Variants in LRMDA observed in about 807,000 individuals in gnomAD.
The protein encoded by LRMDA is leucine rich melanocyte differentiation associated.
LRMDA carries 18 observed loss-of-function variants against 29.8 expected under a neutral mutation model. The observed-to-expected ratio is 0.60, with a 90% CI of 0.42 to 0.90. The LOEUF (loss-of-function observed/expected upper bound fraction) is 0.90. LRMDA is among the 40% of genes least tolerant of loss of function. The probability of loss-of-function intolerance (pLI) is 0.00; values close to 1 mark genes in which losing one functional copy is unlikely to be tolerated. For synonymous variants in LRMDA, 125 were observed against 109.4 expected, an observed-to-expected ratio of 1.14 and a Z score of -0.89; for missense variants, 273 against 273.9, an observed-to-expected ratio of 1.00 and a Z score of 0.02.
At chr10:75,980,547 T>G (rs1847149861) in intron 2 of LRMDA, among the ~76,000 whole-genome samples, 1 of 152,192 alleles carries the variant, frequency 6.6e-6, no homozygotes, top group Non-Finnish European at 1.5e-5. Flanking sequence ...GTCATGCAGG[T>G]CAGCTTGCTG....
At chr10:76,324,317 C>T in intron 5 of LRMDA, 84 bp from the exon 6 acceptor site, 1 of 1,179,290 alleles carries the variant, frequency 8.5e-7, no homozygotes, top group Non-Finnish European at 1.3e-6. Flanking sequence ...AGCTCAGATC[C>T]CAAGGAGACA....
At chr10:75,853,465 T>TGG (rs1491274210) in intron 2 of LRMDA, among the ~76,000 whole-genome samples, 1 of 147,216 alleles carries the variant, frequency 6.8e-6, no homozygotes, top group East Asian at 2.0e-4. Flanking sequence ...TGTGTGTGTG[T>TGG]GGTCACATGC....
chr10:75,654,577 A>G (rs142856422), intron 2 of LRMDA, among the ~76,000 whole-genome samples: 365 of 152,194 alleles, frequency 2.4e-3, no homozygotes, highest in African/African-American at 8.1e-3. Context: ...CCTTCTCTTT[A>G]TTCTAGAAAT....
chr10:76,449,534 C>T (rs930232012), intron 6 of LRMDA, among the ~76,000 whole-genome samples: 2 of 151,818 alleles, frequency 1.3e-5, no homozygotes, highest in African/African-American at 2.4e-5. Flanking sequence ...GCTGTATGTA[C>T]TTGATTTTGT....
chr10:76,071,507 C>T (rs1166310963), intron 5 of LRMDA, among the ~76,000 whole-genome samples: 1 of 152,210 alleles, frequency 6.6e-6, no homozygotes, highest in Non-Finnish European at 1.5e-5. Context: ...TACCAACTTG[C>T]AGCCTCTACA....
chr10:76,100,502 G>C (rs1263919935), intron 5 of LRMDA, among the ~76,000 whole-genome samples: 2 of 151,938 alleles, frequency 1.3e-5, no homozygotes, highest in African/African-American at 4.8e-5. Flanking sequence ...GGAGATTCCA[G>C]GGACCCTCTC....
chr10:75,682,687 T>C (rs959381550), intron 2 of LRMDA, among the ~76,000 whole-genome samples: 3 of 152,198 alleles, frequency 2.0e-5, no homozygotes, highest in African/African-American at 7.2e-5. Context: ...TTGAACCTTA[T>C]GTGTCCAGTT....
At chr10:76,070,786 C>G (rs1271279649) in intron 5 of LRMDA, among the ~76,000 whole-genome samples, 1 of 152,128 alleles carries the variant, frequency 6.6e-6, no homozygotes, top group Non-Finnish European at 1.5e-5. Flanking sequence ...GAAAGAAGGC[C>G]TCACATTCAT....
intron 2 of LRMDA, among the ~76,000 whole-genome samples, chr10:75,705,234 G>A (rs182998382): frequency 4.6e-5 from 7 of 152,308 alleles, no homozygotes; most frequent in Admixed American, 1.3e-4. Flanking sequence ...CAGCAATGGT[G>A]TTGAGCTGAG....
At chr10:75,997,018 C>T (rs529661133) in intron 2 of LRMDA, among the ~76,000 whole-genome samples, 127 of 152,272 alleles carry the variant, frequency 8.3e-4, no homozygotes, top group Non-Finnish European at 1.6e-3. Flanking sequence ...AGGCATGAGC[C>T]ACCGTGCCTG....
At chr10:75,690,585 G>T (rs974604896) in intron 2 of LRMDA, among the ~76,000 whole-genome samples, 1 of 152,052 alleles carries the variant, frequency 6.6e-6, no homozygotes, top group Non-Finnish European at 1.5e-5. Flanking sequence ...AAGTTGTGGG[G>T]ATTACATGCG....
chr10:76,115,472 C>A (rs1849653337), intron 5 of LRMDA, among the ~76,000 whole-genome samples: 2 of 152,212 alleles, frequency 1.3e-5, no homozygotes, highest in African/African-American at 4.8e-5. Context: ...CTTTAGGTCA[C>A]CCTGCCAGTT....
At chr10:75,641,178 G>A (rs1390956752) in intron 2 of LRMDA, among the ~76,000 whole-genome samples, 1 of 152,144 alleles carries the variant, frequency 6.6e-6, no homozygotes, top group Non-Finnish European at 1.5e-5. Context: ...GAGATGAAGT[G>A]ACTTGCTTAA....
At chr10:75,485,981 G>A (rs185064322) in intron 2 of LRMDA, among the ~76,000 whole-genome samples, 16 of 152,144 alleles carry the variant, frequency 1.1e-4, no homozygotes, top group Non-Finnish European at 1.5e-5. Flanking sequence ...CTTCATTTAA[G>A]CATTTTAACT....
At chr10:76,401,962 G>T (rs957699514) in intron 6 of LRMDA, among the ~76,000 whole-genome samples, 1 of 151,996 alleles carries the variant, frequency 6.6e-6, no homozygotes, top group Non-Finnish European at 1.5e-5. Flanking sequence ...GGGGTCGGGG[G>T]AAACAGCAAA....
intron 2 of LRMDA, among the ~76,000 whole-genome samples, chr10:75,750,935 A>G (rs1048790106): frequency 4.6e-5 from 7 of 152,172 alleles, no homozygotes; most frequent in Admixed American, 1.3e-4. Flanking sequence ...AGAGGCTGCA[A>G]TCTCTGCACT....
intron 6 of LRMDA, among the ~76,000 whole-genome samples, chr10:76,463,165 C>A (rs1165061843): frequency 6.6e-6 from 1 of 152,078 alleles, no homozygotes; most frequent in Admixed American, 6.5e-5. Flanking sequence ...TCTCTGTATC[C>A]AAGGCAGTCC....
At chr10:76,256,298 C>A (rs561207553) in intron 5 of LRMDA, among the ~76,000 whole-genome samples, 1 of 152,182 alleles carries the variant, frequency 6.6e-6, no homozygotes, top group Admixed American at 6.5e-5. Flanking sequence ...CTTCATTTCT[C>A]TTTCTAGGAA....
At chr10:76,325,209 G>T (rs992384067) in intron 6 of LRMDA, among the ~76,000 whole-genome samples, 1 of 152,198 alleles carries the variant, frequency 6.6e-6, no homozygotes. Context: ...ATTGCAGGAT[G>T]AGCAGGTGGA....
Sources: allele counts gnomAD v4.1 joint callset (sites outside exome capture counted in the v4.1 genomes callset), GRCh38; gene constraint gnomAD v4.1.1; transcripts MANE v1.5; gene names NCBI Gene and HGNC (gene_info 2026-07-23, HGNC 2026-07-21).